XKR9: variants seen among roughly 807,000 people sequenced by gnomAD.
XKR9 encodes XK-related protein 9.
A neutral mutation model predicts 32.0 loss-of-function variants in XKR9; 32 were observed. The observed-to-expected ratio is 1.00, with a 90% CI of 0.76 to 1.34. The LOEUF (loss-of-function observed/expected upper bound fraction) is 1.34. XKR9 is among the 40% of genes most tolerant of loss of function. XKR9 has a pLI of 0.00. For missense variants in XKR9, 546 were observed against 429.7 expected (o/e 1.27, Z -2.39); for synonymous variants, 168 against 143.4 (o/e 1.17, Z -1.22).
the XKR9 span, among the ~76,000 whole-genome samples, chr8:71,000,600 C>G: frequency 6.6e-6 from 1 of 152,282 alleles, no homozygotes; most frequent in South Asian, 2.1e-4. Context: ...TCCTATCTGA[C>G]AGGCCAAGAA....
chr8:70,946,962 C>G, the XKR9 span, among the ~76,000 whole-genome samples: 1 of 152,156 alleles, frequency 6.6e-6, no homozygotes, highest in Non-Finnish European at 1.5e-5. Context: ...TAATTGGAAG[C>G]TCATAGGCTC....
the XKR9 span, among the ~76,000 whole-genome samples, chr8:70,822,307 A>G: frequency 1.3e-5 from 2 of 152,078 alleles, no homozygotes; most frequent in African/African-American, 4.8e-5. Context: ...TCATCAGGAT[A>G]GCTTTAGGGG....
At chr8:70,910,854 G>A in the XKR9 span, among the ~76,000 whole-genome samples, 7 of 152,184 alleles carry the variant, frequency 4.6e-5, no homozygotes, top group African/African-American at 1.4e-4. Flanking sequence ...TTGTAGGACT[G>A]ACGTCCTCAT....
the XKR9 span, among the ~76,000 whole-genome samples, chr8:70,828,793 C>A: frequency 9.3e-5 from 14 of 151,234 alleles, no homozygotes; most frequent in Non-Finnish European, 2.1e-4. Context: ...CAGAGGCTTT[C>A]ACAAACATGA....
At chr8:70,715,168 C>A (rs555851853) in intron 4 of XKR9, among the ~76,000 whole-genome samples, 1 of 152,212 alleles carries the variant, frequency 6.6e-6, no homozygotes, top group Admixed American at 6.5e-5. Flanking sequence ...CCTTGGAATC[C>A]TAGCTCCACC....
chr8:71,040,424 A>G, the XKR9 span, among the ~76,000 whole-genome samples: 1 of 152,222 alleles, frequency 6.6e-6, no homozygotes, highest in East Asian at 1.9e-4. Flanking sequence ...ATGCTGCAAC[A>G]TACTAGGTAA....
At chr8:70,877,750 C>A in the XKR9 span, among the ~76,000 whole-genome samples, 1 of 152,150 alleles carries the variant, frequency 6.6e-6, no homozygotes, top group African/African-American at 2.4e-5. Flanking sequence ...AGGATATTAT[C>A]CAGGAGAACT....
chr8:71,018,105 A>T, the XKR9 span, among the ~76,000 whole-genome samples: 4 of 152,184 alleles, frequency 2.6e-5, no homozygotes, highest in Non-Finnish European at 5.9e-5. Context: ...AAGTTTTCTT[A>T]TGTCACTTTC....
the XKR9 span, among the ~76,000 whole-genome samples, chr8:70,812,875 A>G: frequency 6.6e-6 from 1 of 152,232 alleles, no homozygotes; most frequent in Non-Finnish European, 1.5e-5. Flanking sequence ...GCCCAAGGTA[A>G]TTTATAGATT....
chr8:70,692,823 G>T (rs1418408855), intron 3 of XKR9, among the ~76,000 whole-genome samples: 5 of 152,002 alleles, frequency 3.3e-5, no homozygotes, highest in African/African-American at 1.2e-4. Context: ...CAGGTGATCT[G>T]CCCGCCATAG....
chr8:71,015,569 T>C, the XKR9 span, among the ~76,000 whole-genome samples: 3 of 152,310 alleles, frequency 2.0e-5, no homozygotes, highest in African/African-American at 7.2e-5. Context: ...TTATGGCCTA[T>C]AGTAACAAAA....
chr8:70,718,380 G>A (rs1806161570), intron 4 of XKR9, among the ~76,000 whole-genome samples: 2 of 152,000 alleles, frequency 1.3e-5, no homozygotes, highest in African/African-American at 2.4e-5. Flanking sequence ...AGGTATACAT[G>A]TGCCATGTTG....
At chr8:70,672,607 T>C (rs929039389) in intron 1 of XKR9, among the ~76,000 whole-genome samples, 8 of 145,710 alleles carry the variant, frequency 5.5e-5, no homozygotes, top group African/African-American at 5.4e-5. Flanking sequence ...ATGGTAGTTC[T>C]GTGTGTGTGT....
At chr8:70,826,899 G>A in the XKR9 span, among the ~76,000 whole-genome samples, 19 of 152,038 alleles carry the variant, frequency 1.2e-4, no homozygotes, top group African/African-American at 4.6e-4. Flanking sequence ...ACTCCTTGAG[G>A]TTATGTTTGA....
At chr8:70,941,169 T>G in the XKR9 span, among the ~76,000 whole-genome samples, 1 of 151,974 alleles carries the variant, frequency 6.6e-6, no homozygotes, top group African/African-American at 2.4e-5. Flanking sequence ...TTCTGTCTTT[T>G]GGGATTTACA....
chr8:70,938,396 G>T, the XKR9 span, among the ~76,000 whole-genome samples: 2 of 151,896 alleles, frequency 1.3e-5, no homozygotes, highest in Non-Finnish European at 2.9e-5. Flanking sequence ...CTTTCAAGGT[G>T]GCCAGCCTCT....
the XKR9 span, among the ~76,000 whole-genome samples, chr8:70,948,856 T>C: frequency 6.6e-6 from 1 of 152,222 alleles, no homozygotes; most frequent in Admixed American, 6.5e-5. Context: ...TGTGGTTCAG[T>C]TATATTTTAC....
At chr8:70,825,068 T>C in the XKR9 span, among the ~76,000 whole-genome samples, 1 of 152,108 alleles carries the variant, frequency 6.6e-6, no homozygotes, top group Non-Finnish European at 1.5e-5. Context: ...TTCATTATGA[T>C]TCTCTGGTTC....
chr8:70,975,335 G>T, the XKR9 span, among the ~76,000 whole-genome samples: 1 of 152,124 alleles, frequency 6.6e-6, no homozygotes, highest in Non-Finnish European at 1.5e-5. Flanking sequence ...GTCCTGAATG[G>T]TATTGCCTAG....
Sources: allele counts gnomAD v4.1 joint callset (sites outside exome capture counted in the v4.1 genomes callset), GRCh38; gene constraint gnomAD v4.1.1; transcripts MANE v1.5; gene names NCBI Gene and HGNC (gene_info 2026-07-23, HGNC 2026-07-21).